Variants in SCN10A observed in about 807,000 individuals in gnomAD.
SCN10A encodes sodium voltage-gated channel alpha subunit 10, also known as sodium channel protein type 10 subunit alpha.
SCN10A carries 162 observed loss-of-function variants against 170.7 expected under a neutral mutation model. The observed-to-expected ratio is 0.95, with a 90% confidence interval of 0.84 to 1.08. SCN10A has a LOEUF of 1.08. Among genes scored for constraint, SCN10A ranks in the 50% least tolerant of loss-of-function variants. The pLI, the probability that SCN10A is intolerant of heterozygous loss-of-function variation, is 0.00. For synonymous variants in SCN10A, 985 were observed against 904.6 expected (o/e 1.09, Z -1.59); for missense variants, 2,527 against 2,436.9 (o/e 1.04, Z -0.78).
At chr3:38,754,526 G>A (rs2063782463) in intron 11 of SCN10A, among the ~76,000 whole-genome samples, 1 of 152,308 alleles carries the variant, frequency 6.6e-6, no homozygotes, top group African/African-American at 2.4e-5. Context: ...TAATCTGTGT[G>A]GGGCTGACAG....
intron 2 of SCN10A, among the ~76,000 whole-genome samples, chr3:38,792,794 G>A (rs1392361409): frequency 1.3e-5 from 2 of 152,096 alleles, no homozygotes; most frequent in African/African-American, 2.4e-5. Flanking sequence ...ACACAGGTGA[G>A]ATAATTGTCA....
In SCN10A at chr3:38,752,285, C is replaced by A; in HGVS notation, c.1689G>T (p.Arg563Ser). 1 of 1,601,862 alleles carries A rather than the reference C, an allele frequency of 6.2e-7. No homozygotes were observed. Among genetic ancestry groups the A allele is most frequent in the South Asian group, 1.1e-5 (1 of 89,378 alleles). The change falls in exon 12 of 28, where the codon AGG becomes AGT. Residue 563 changes from arginine to serine, a missense_variant. Physicochemically the swap from Arg to Ser is moderately radical, Grantham distance 110. Coordinates refer to ENST00000449082, the MANE Select transcript of SCN10A (RefSeq NM_006514.4). ...GCGGTTGGTGTTCATCTTCTCCATG[C>A]CTGGAGTCAGGGTTGCTGGGTTGAG... is the stretch of plus-strand genomic sequence containing the variant. ...PLPQPSNPDS[R>S]HGEDEHQPPP...
At position 38,789,051 on chromosome 3, in the gene SCN10A, T is replaced by C. The variant is rs1057523824; in HGVS notation, c.390-15A>G. Reference sequence around the variant, plus strand: ...AACTGAACCACCTGAAAGGCCTGTGTTAAGGAAAAGCTGAGATCACCAAGT... The same window carrying C: ...AACTGAACCACCTGAAAGGCCTGTGCTAAGGAAAAGCTGAGATCACCAAGT... On this transcript the variant is annotated splice_polypyrimidine_tract_variant and intron_variant, in intron 3 of 27. Transcript: ENST00000449082. 1 of 1,555,076 alleles carries C rather than the reference T, an allele frequency of 6.4e-7. No homozygotes were observed. Among genetic ancestry groups the C allele is most frequent in the Admixed American group, 1.7e-5 (1 of 59,834 alleles).
At chr3:38,710,142 C>T (rs1164456416) in intron 24 of SCN10A, among the ~76,000 whole-genome samples, 1 of 152,146 alleles carries the variant, frequency 6.6e-6, no homozygotes, top group East Asian at 1.9e-4. Context: ...ATAGTGTCTC[C>T]CCAGCCTGGC....
chr3:38,725,130 G>A lies in SCN10A; in HGVS notation c.3228+44C>T, dbSNP rs754187409. 2.6e-6 allele frequency: 4 copies of A among 1,527,074 alleles called. No homozygotes were observed. In the African/African-American group the frequency reaches 4.1e-5, roughly 16 times the overall value. The allele number at this position is 1,527,074 out of a possible 1,614,324, so 94.6% of individuals were successfully genotyped here. A position where few individuals can be genotyped will look rare whatever the true frequency, so the allele number is the denominator to read the frequency against. On this transcript the variant is annotated intron_variant, in intron 18 of 27. Transcript: ENST00000449082. ...AGCCTCTACCAGCCCACTGCTCAGT[G>A]TCTGGCTGGCTGTCCAACCTCTCCA...
At chr3:38,771,034 A>T (rs2063993222) in intron 5 of SCN10A, among the ~76,000 whole-genome samples, 1 of 152,078 alleles carries the variant, frequency 6.6e-6, no homozygotes. Context: ...CCCCCCTCAC[A>T]CTTTGGGAGC....
intron 4 of SCN10A, among the ~76,000 whole-genome samples, chr3:38,784,437 C>T (rs189097686): frequency 8.2e-4 from 125 of 152,226 alleles, no homozygotes; most frequent in Middle Eastern, 3.4e-3. Flanking sequence ...AACACCCATT[C>T]ATGCTAAAAG....
intron 5 of SCN10A, among the ~76,000 whole-genome samples, chr3:38,764,156 T>TTTTTA (rs1391707830): frequency 2.1e-4 from 32 of 152,344 alleles, no homozygotes; most frequent in African/African-American, 6.0e-4. Context: ...CATGCAAATC[T>TTTTTA]TTTTATTTTA....
chr3:38,718,939 T>G, intron 20 of SCN10A, 113 bp from the exon 21 acceptor site: 1 of 980,096 alleles, frequency 1.0e-6, no homozygotes, highest in South Asian at 1.7e-5. Context: ...GAAGGGGATT[T>G]GGTAGTCAGC....
chr3:38,800,830 G>GACCC (rs1000675096), intron 1 of SCN10A, among the ~76,000 whole-genome samples: 6 of 152,118 alleles, frequency 3.9e-5, no homozygotes, highest in African/African-American at 1.4e-4. Context: ...GCTACAAGAG[G>GACCC]ACCCACTGGG....
intron 15 of SCN10A, among the ~76,000 whole-genome samples, chr3:38,737,452 C>T (rs994991144): frequency 1.7e-4 from 26 of 152,244 alleles, no homozygotes; most frequent in Admixed American, 9.2e-4. Context: ...TTAATTCTGA[C>T]CTTGTAAGAT....
At chr3:38,761,697 C>G (rs938198546) in intron 6 of SCN10A, among the ~76,000 whole-genome samples, 1 of 152,030 alleles carries the variant, frequency 6.6e-6, no homozygotes, top group Admixed American at 6.6e-5. Flanking sequence ...CCTACTTTTT[C>G]CAGGCACTGT....
At chr3:38,759,083 C>T (rs2063839887) in intron 8 of SCN10A, among the ~76,000 whole-genome samples, 1 of 152,136 alleles carries the variant, frequency 6.6e-6, no homozygotes, top group South Asian at 2.1e-4. Context: ...GTTTCCAGTC[C>T]TCAGCTCCAA....
At chr3:38,815,887 A>C (rs1013663498) in intron 1 of SCN10A, 150 bp downstream of exon 1, 1 of 152,220 alleles carries the variant, frequency 6.6e-6, no homozygotes, top group African/African-American at 2.4e-5. Context: ...TCCAAGAACT[A>C]TGGGTGTTTG....
chr3:38,697,432 C>T lies in SCN10A; in HGVS notation c.5788G>A (p.Asp1930Asn), dbSNP rs755530255. 4.3e-6 allele frequency: 7 copies of T among 1,614,196 alleles called. No homozygotes were observed. Among genetic ancestry groups the T allele is most frequent in the Non-Finnish European group, 5.9e-6 (7 of 1,180,036 alleles). ...CTAGATGTCCTCATGTTGACTCTATCACTAAGGCCTCTAGTGACACTCTCA... is the reference window on the plus strand; with the variant it reads ...CTAGATGTCCTCATGTTGACTCTATTACTAAGGCCTCTAGTGACACTCTCA... ...SYESVTRGLS[D>N]RVNMRTSSSI... The change falls in exon 28 of 28, where the codon GAT becomes AAT. Residue 1930 changes from aspartate to asparagine, a missense_variant. By Grantham distance (23) the Asp-to-Asn change is conservative (BLOSUM62 1). Transcript: ENST00000449082.
At chr3:38,763,932 C>A (rs2126034686) in intron 5 of SCN10A, among the ~76,000 whole-genome samples, 1 of 152,348 alleles carries the variant, frequency 6.6e-6, no homozygotes, top group Admixed American at 6.5e-5. Context: ...TGGGCCTTTT[C>A]TGATCCACTG....
intron 6 of SCN10A, 127 bp from the exon 7 acceptor site, chr3:38,761,510 T>G: frequency 4.7e-6 from 3 of 639,262 alleles, no homozygotes; most frequent in Admixed American, 3.6e-5. Flanking sequence ...TCCAGGGCAG[T>G]TCCAAGACCT....
intron 1 of SCN10A, among the ~76,000 whole-genome samples, chr3:38,809,221 G>T (rs116604067): frequency 0.018 from 2,739 of 152,330 alleles, 45 homozygotes; most frequent in Non-Finnish European, 0.028. Context: ...TCCCAAATGT[G>T]ATTGGTCTGT....
chr3:38,798,076 A>G (rs1446640320), intron 1 of SCN10A, among the ~76,000 whole-genome samples: 2 of 152,212 alleles, frequency 1.3e-5, no homozygotes, highest in Non-Finnish European at 2.9e-5. Context: ...GTGTCTTTAC[A>G]TGACATTCTG....
Sources: gnomAD v4.1 joint callset for allele counts (sites outside exome capture counted in the v4.1 genomes callset) on GRCh38, gnomAD v4.1.1 for gene constraint, MANE v1.5 for transcripts, NCBI Gene and HGNC (gene_info 2026-07-23, HGNC 2026-07-21) for gene names.